USP15: variants seen among roughly 807,000 people sequenced by gnomAD.
USP15 encodes the protein ubiquitin carboxyl-terminal hydrolase 15.
In USP15, 18 loss-of-function variants were observed where a neutral mutation model predicts 127.1. That is an observed-to-expected ratio of 0.14 (90% CI 0.10 to 0.21). The LOEUF is 0.21. Among genes scored for constraint, USP15 ranks in the 10% least tolerant of loss-of-function variants. The pLI, the probability that USP15 is intolerant of heterozygous loss-of-function variation, is 1.00. For synonymous variants in USP15, 364 were observed against 393.7 expected (o/e 0.92, Z 0.89); for missense variants, 805 against 1,159.9 (o/e 0.69, Z 4.44).
At chr12:62,389,021 A>G (rs760333398) in intron 11 of USP15, among the ~76,000 whole-genome samples, 1 of 152,208 alleles carries the variant, frequency 6.6e-6, no homozygotes, top group Non-Finnish European at 1.5e-5. Context: ...GCTACGCAAG[A>G]GGCTGAATTC....
chr12:62,262,883 G>A (rs1218846600), intron 1 of USP15, among the ~76,000 whole-genome samples: 1 of 152,168 alleles, frequency 6.6e-6, no homozygotes, highest in Non-Finnish European at 1.5e-5. Flanking sequence ...GATAAAAGCA[G>A]ATTGTGCAAG....
intron 4 of USP15, among the ~76,000 whole-genome samples, chr12:62,316,854 C>A (rs2064844367): frequency 6.6e-6 from 1 of 152,044 alleles, no homozygotes; most frequent in Non-Finnish European, 1.5e-5. Flanking sequence ...TATAAAGGAT[C>A]ACTGCTTCAA....
intron 3 of USP15, among the ~76,000 whole-genome samples, chr12:62,311,725 G>A (rs897715221): frequency 6.6e-6 from 1 of 151,674 alleles, no homozygotes; most frequent in African/African-American, 2.4e-5. Context: ...CACCATCTAT[G>A]CAGTGGTCTA....
At chr12:62,381,968 G>A (rs1013518689) in intron 9 of USP15, among the ~76,000 whole-genome samples, 2 of 151,988 alleles carry the variant, frequency 1.3e-5, no homozygotes, top group African/African-American at 4.8e-5. Flanking sequence ...AGACAGCAAT[G>A]AGCGTTTGTA....
intron 1 of USP15, among the ~76,000 whole-genome samples, chr12:62,291,211 C>G (rs2063957894): frequency 6.6e-6 from 1 of 152,112 alleles, no homozygotes; most frequent in African/African-American, 2.4e-5. Context: ...ACCTACAATT[C>G]CTAGATCCAG....
At chr12:62,308,853 C>A (rs2064566076) in intron 3 of USP15, among the ~76,000 whole-genome samples, 1 of 151,934 alleles carries the variant, frequency 6.6e-6, no homozygotes, top group Non-Finnish European at 1.5e-5. Flanking sequence ...GATTATCCCC[C>A]AACTATCTAG....
intron 20 of USP15, among the ~76,000 whole-genome samples, chr12:62,399,341 T>G (rs1463556501): frequency 6.6e-6 from 1 of 152,190 alleles, no homozygotes; most frequent in Non-Finnish European, 1.5e-5. Context: ...GGCTATTTCC[T>G]TCCACTCCTC....
rs1283089668 is a variant in USP15, at chr12:62,335,543, C to T, written c.683+9610C>T. 7 of 1,082,968 alleles carry T rather than the reference C, an allele frequency of 6.5e-6. No homozygotes were observed. The East Asian group carries it at 3.7e-4, about 58-fold the overall frequency. The allele number at this position is 1,082,968 out of a possible 1,614,324, so 67.1% of individuals were successfully genotyped here. ...TGCTTTTTCTTTTATTATCTCCTCT[C>T]TCCTACATATATAAATGCCTAGCAT... On this transcript the variant is annotated intron_variant, in intron 6 of 21. Coordinates refer to ENST00000280377, the MANE Select transcript of USP15 (RefSeq NM_001252078.2).
rs527903550 is a variant in USP15, at chr12:62,298,619, C to G, written c.218-4171C>G. On this transcript the variant is annotated intron_variant, in intron 2 of 21. Coordinates refer to ENST00000280377, the MANE Select transcript of USP15 (RefSeq NM_001252078.2). ...AGGCAGCGGTTCAGCAAGCTGAGATCATGCTACTGCACTCTAGCCTGGCGA... is the reference window on the plus strand; with the variant it reads ...AGGCAGCGGTTCAGCAAGCTGAGATGATGCTACTGCACTCTAGCCTGGCGA... Among the ~76,000 whole-genome samples the G allele has an allele frequency of 2.0e-5, 3 of 151,862 alleles. No individual in the cohort carries two copies. In the East Asian group the frequency reaches 5.8e-4, roughly 29 times the overall value.
chr12:62,311,797 C>A (rs1007290296), intron 3 of USP15, among the ~76,000 whole-genome samples: 7 of 151,530 alleles, frequency 4.6e-5, no homozygotes, highest in Non-Finnish European at 7.4e-5. Context: ...ACTTAAGAGA[C>A]GAATTAGTCT....
Position 62,384,177 on chromosome 12 carries a change from G to C in USP15, c.1348G>C (p.Glu450Gln). The C allele has an allele frequency of 3.1e-6, 5 of 1,613,000 alleles. No homozygotes were observed. Among genetic ancestry groups the C allele is most frequent in the Non-Finnish European group, 4.2e-6 (5 of 1,179,306 alleles). ...GLFKSTLVCPECAKISVTFDP... is the reference protein window; with the variant it reads ...GLFKSTLVCPQCAKISVTFDP... ...TTTCAAATCAACTTTAGTTTGTCCTGAGTGTGCTAAGATTTCAGTAACATT... is the reference window on the plus strand; with the variant it reads ...TTTCAAATCAACTTTAGTTTGTCCTCAGTGTGCTAAGATTTCAGTAACATT... Residue 450 changes from glutamate to glutamine, a missense_variant, in exon 11 of 22, where the codon GAG becomes CAG. This residue lies in a region of USP15 where 84 missense variants were observed against 210.3 expected (regional missense o/e 0.40). Transcript: ENST00000280377.
At chr12:62,401,138 C>T (rs1165933077) in intron 20 of USP15, 49 bp from the exon 21 acceptor site, 6 of 1,407,670 alleles carry the variant, frequency 4.3e-6, no homozygotes, top group Non-Finnish European at 5.0e-6. Flanking sequence ...GAGGAGTCCC[C>T]AGAAAACCAA....
chr12:62,327,685 AAC>A (rs2137309127), intron 6 of USP15: 1 of 435,226 alleles, frequency 2.3e-6, no homozygotes, highest in East Asian at 7.4e-5. Context: ...TATTTATTCC[AAC>A]AACTTTAGTA....
At chr12:62,383,793 T>C (rs373670966) in intron 9 of USP15, 47 bp from the exon 10 acceptor site, 6 of 1,572,972 alleles carry the variant, frequency 3.8e-6, no homozygotes, top group Non-Finnish European at 5.2e-6. Context: ...TGTTTAAAAA[T>C]CAACCCTGTT....
intron 2 of USP15, among the ~76,000 whole-genome samples, chr12:62,296,647 A>C (rs1448818873): frequency 1.3e-5 from 2 of 152,198 alleles, no homozygotes; most frequent in Admixed American, 1.3e-4. Context: ...CTGAAGTAAC[A>C]ATGGACCAGA....
intron 5 of USP15, 35 bp downstream of exon 5, chr12:62,321,644 G>C: frequency 1.4e-6 from 2 of 1,454,584 alleles, no homozygotes; most frequent in Non-Finnish European, 1.8e-6. Context: ...TATTATACAT[G>C]AAGGTTTTTG....
At chr12:62,291,442 G>A (rs890428373) in intron 1 of USP15, among the ~76,000 whole-genome samples, 4 of 151,754 alleles carry the variant, frequency 2.6e-5, no homozygotes, top group Admixed American at 1.3e-4. Context: ...TCTTTGTGTT[G>A]GTTTTTCACA....
chr12:62,393,099 G>A lies in USP15; in HGVS notation c.2467G>A (p.Asp823Asn). ...KEHQQATKKLDLWSLPPVLVV... is the reference protein window; with the variant it reads ...KEHQQATKKLNLWSLPPVLVV... ...ACATCAGCAAGCCACAAAGAAATTGGATTTATGGTCCCTGCCTCCAGTACT... is the reference window on the plus strand; with the variant it reads ...ACATCAGCAAGCCACAAAGAAATTGAATTTATGGTCCCTGCCTCCAGTACT... The change falls in exon 19 of 22, where the codon GAT (aspartate) becomes AAT (asparagine). Residue 823 changes from aspartate to asparagine, a missense_variant. Asp to Asn is a conservative substitution (Grantham distance 23). Around this residue, in one of 11 missense-constraint regions of USP15, gnomAD observed 24 missense variants for 71.5 expected, o/e 0.34. Coordinates refer to ENST00000280377, the MANE Select transcript of USP15 (RefSeq NM_001252078.2). The A allele has an allele frequency of 6.2e-7, 1 of 1,613,716 alleles. No individual in the cohort carries two copies. The highest frequency in any genetic ancestry group is 8.5e-7 in the Non-Finnish European group (1 of 1,179,834).
chr12:62,263,432 C>T (rs182765212), intron 1 of USP15, among the ~76,000 whole-genome samples: 73 of 152,250 alleles, frequency 4.8e-4, no homozygotes, highest in African/African-American at 1.7e-3. Context: ...CATGGTAACT[C>T]GGGTAACTAA....
Sources: allele counts gnomAD v4.1 joint callset (sites outside exome capture counted in the v4.1 genomes callset), GRCh38; gene constraint gnomAD v4.1.1; regional missense constraint gnomAD v4.1.1; transcripts MANE v1.5; gene names NCBI Gene and HGNC (gene_info 2026-07-23, HGNC 2026-07-21).